ROR2: variants seen among roughly 807,000 people sequenced by gnomAD.
ROR2 encodes the protein ROR family WNT receptor 2, also known as tyrosine-protein kinase transmembrane receptor ROR2.
ROR2 carries 33 observed loss-of-function variants against 74.9 expected under a neutral mutation model. That is an observed-to-expected ratio of 0.44 (90% CI 0.33 to 0.59). The LOEUF is 0.59. Among genes scored for constraint, ROR2 ranks in the 20% least tolerant of loss-of-function variants. The pLI is 0.02. For missense variants in ROR2, 1,216 were observed against 1,313.8 expected (o/e 0.93, Z 1.15); for synonymous variants, 586 against 558.7 (o/e 1.05, Z -0.69).
intron 1 of ROR2, among the ~76,000 whole-genome samples, chr9:91,933,230 C>A (rs567438877): frequency 6.6e-6 from 1 of 152,130 alleles, no homozygotes; most frequent in Non-Finnish European, 1.5e-5. Context: ...GCAGAAGAAT[C>A]GCTTGAACCC....
At chr9:91,762,291 T>C (rs1471953357) in intron 2 of ROR2, among the ~76,000 whole-genome samples, 7 of 152,228 alleles carry the variant, frequency 4.6e-5, no homozygotes, top group Non-Finnish European at 7.3e-5. Context: ...CATTTGCAAG[T>C]TTTTAAAGAT....
At chr9:91,841,190 G>A (rs1828771773) in intron 1 of ROR2, among the ~76,000 whole-genome samples, 1 of 152,230 alleles carries the variant, frequency 6.6e-6, no homozygotes, top group South Asian at 2.1e-4. Context: ...AGAGGGATCT[G>A]CACGGATGAC....
intron 1 of ROR2, among the ~76,000 whole-genome samples, chr9:91,842,499 G>A (rs922952875): frequency 6.6e-6 from 1 of 152,218 alleles, no homozygotes; most frequent in African/African-American, 2.4e-5. Flanking sequence ...CTCACCCCGT[G>A]CGTTAGTGTC....
In ROR2 at chr9:91,724,905, C is replaced by G. The variant is rs35852786; in HGVS notation, c.1589G>C (p.Arg530Pro). The change falls in exon 9 of 9, where the codon CGG (arginine) becomes CCG (proline). Residue 530 changes from arginine to proline, a missense_variant. By Grantham distance (103) the Arg-to-Pro change is moderately radical. Coordinates refer to ENST00000375708, the MANE Select transcript of ROR2 (RefSeq NM_004560.4). ...GCAGACGACGTTGGGGTGTTGCAGC[C>G]GTGCTCGCAGCATAGCCTCATGCCG... is the stretch of plus-strand genomic sequence containing the variant. ...EFRHEAMLRARLQHPNVVCLL... is the reference protein window; with the variant it reads ...EFRHEAMLRAPLQHPNVVCLL... 1.2e-6 allele frequency: 2 copies of G among 1,607,710 alleles called. No individual in the cohort carries two copies. The highest frequency in any genetic ancestry group is 1.3e-5 in the African/African-American group (1 of 74,814).
At chr9:91,909,629 G>A (rs1830902460) in intron 1 of ROR2, among the ~76,000 whole-genome samples, 1 of 151,348 alleles carries the variant, frequency 6.6e-6, no homozygotes, top group African/African-American at 2.4e-5. Context: ...TGGGATTACA[G>A]GCATGAGCCA....
intron 4 of ROR2, among the ~76,000 whole-genome samples, chr9:91,744,658 A>C (rs1814855802): frequency 6.6e-6 from 1 of 152,162 alleles, no homozygotes; most frequent in Non-Finnish European, 1.5e-5. Context: ...CATCCACTTG[A>C]TCCAACTAAA....
rs80130345 is a variant in ROR2, at chr9:91,921,454, G to A, written c.97+28413C>T. Among the ~76,000 whole-genome samples, 106 of 152,194 alleles carry A rather than the reference G, an allele frequency of 7.0e-4. 1 individual carries two copies. The highest frequency in any genetic ancestry group is 7.5e-4 in the Non-Finnish European group (51 of 68,042). On this transcript the variant is annotated intron_variant, in intron 1 of 8. Transcript: ENST00000375708. ...GCTGTGGAAATCCCAAACCACACTGGCAAAAGAGGACACTTTTCAAGAGCC... is the reference window on the plus strand; with the variant it reads ...GCTGTGGAAATCCCAAACCACACTGACAAAAGAGGACACTTTTCAAGAGCC...
chr9:91,878,485 C>A (rs1830015420), intron 1 of ROR2, among the ~76,000 whole-genome samples: 1 of 152,192 alleles, frequency 6.6e-6, no homozygotes, highest in African/African-American at 2.4e-5. Flanking sequence ...CCAAGTTATT[C>A]ATTTCTTGGA....
At chr9:91,745,993 G>A (rs1825398671) in intron 4 of ROR2, among the ~76,000 whole-genome samples, 1 of 152,132 alleles carries the variant, frequency 6.6e-6, no homozygotes, top group Non-Finnish European at 1.5e-5. Context: ...GGTGGTCTGA[G>A]GGCTTTAATA....
At chr9:91,768,884 C>T (rs113995992) in intron 2 of ROR2, among the ~76,000 whole-genome samples, 195 of 152,310 alleles carry the variant, frequency 1.3e-3, no homozygotes, top group African/African-American at 4.6e-3. Flanking sequence ...GCATTGCAGA[C>T]TCACAGCCAA....
chr9:91,825,079 G>A (rs1447426497), intron 1 of ROR2, among the ~76,000 whole-genome samples: 1 of 152,226 alleles, frequency 6.6e-6, no homozygotes, highest in African/African-American at 2.4e-5. Context: ...AATAACATGT[G>A]TCTTTCAGAC....
intron 1 of ROR2, among the ~76,000 whole-genome samples, chr9:91,865,982 A>G (rs186753206): frequency 1.3e-4 from 20 of 152,354 alleles, no homozygotes; most frequent in African/African-American, 4.8e-4. Context: ...CCTAAATCAA[A>G]TTACTCCAGC....
Position 91,942,791 on chromosome 9 carries a change from C to T in ROR2, c.97+7076G>A, listed in dbSNP as rs1048152867. Reference sequence around the variant, plus strand: ...AAGTCAAAGTGATATAGCTCCAAACCAAGGGCACCATGAGCCACCAGGAAC... The same window carrying T: ...AAGTCAAAGTGATATAGCTCCAAACTAAGGGCACCATGAGCCACCAGGAAC... On this transcript the variant is annotated intron_variant, in intron 1 of 8. Transcript: ENST00000375708. Among the ~76,000 whole-genome samples, 8 of 152,098 alleles carry T rather than the reference C, an allele frequency of 5.3e-5. 1 individual carries two copies. The highest frequency in any genetic ancestry group is 5.2e-4 in the Admixed American group (8 of 15,282).
At chr9:91,890,797 G>A (rs1436327619) in intron 1 of ROR2, among the ~76,000 whole-genome samples, 1 of 152,166 alleles carries the variant, frequency 6.6e-6, no homozygotes, top group African/African-American at 2.4e-5. Flanking sequence ...CCTTGAAATG[G>A]AATATTCACT....
intron 1 of ROR2, among the ~76,000 whole-genome samples, chr9:91,946,950 C>A (rs930513248): frequency 1.3e-5 from 2 of 152,168 alleles, no homozygotes; most frequent in South Asian, 4.1e-4. Context: ...TCAGACTCTG[C>A]CAGACTTAAT....
At chr9:91,802,073 T>C (rs927882874) in intron 1 of ROR2, among the ~76,000 whole-genome samples, 24 of 131,902 alleles carry the variant, frequency 1.8e-4, no homozygotes, top group African/African-American at 9.3e-4. Context: ...AGGTGTTTTT[T>C]TTTTTTTTTT....
chr9:91,796,347 T>C (rs1352959153), intron 1 of ROR2, among the ~76,000 whole-genome samples: 1 of 148,970 alleles, frequency 6.7e-6, no homozygotes, highest in Non-Finnish European at 1.5e-5. Flanking sequence ...GTGGGAGGAC[T>C]GCTTGAGTCT....
In ROR2 at chr9:91,947,241, G is replaced by A. The variant is rs548365224; in HGVS notation, c.97+2626C>T. ...CAGACTTGTCAGTTTTCCATGATTTGCTTTACTAATTAAAAGTTCAGCTTG... is the reference window on the plus strand; with the variant it reads ...CAGACTTGTCAGTTTTCCATGATTTACTTTACTAATTAAAAGTTCAGCTTG... On this transcript the variant is annotated intron_variant, in intron 1 of 8. Coordinates refer to ENST00000375708, the MANE Select transcript of ROR2 (RefSeq NM_004560.4). Among the ~76,000 whole-genome samples, 5 of 152,200 alleles carry A rather than the reference G, an allele frequency of 3.3e-5. No homozygotes were observed. The East Asian group carries it at 7.7e-4, about 24-fold the overall frequency.
intron 1 of ROR2, among the ~76,000 whole-genome samples, chr9:91,801,457 C>A (rs142963665): frequency 6.6e-6 from 1 of 152,168 alleles, no homozygotes; most frequent in Non-Finnish European, 1.5e-5. Context: ...CTCAGCCTAC[C>A]GAACAGCTGG....
Sources: allele counts gnomAD v4.1 joint callset (sites outside exome capture counted in the v4.1 genomes callset), GRCh38; gene constraint gnomAD v4.1.1; transcripts MANE v1.5; gene names NCBI Gene and HGNC (gene_info 2026-07-23, HGNC 2026-07-21).